Variants in CEACAM21 observed in about 807,000 individuals in gnomAD.
CEACAM21 encodes the protein CEA cell adhesion molecule 21.
In CEACAM21, 38 loss-of-function variants were observed where a neutral mutation model predicts 33.2. The observed-to-expected ratio is 1.14, with a 90% CI of 0.88 to 1.50. The LOEUF is 1.50. CEACAM21 is among the 40% of genes most tolerant of loss of function. The probability of loss-of-function intolerance (pLI) is 0.00; values close to 1 mark genes in which losing one functional copy is unlikely to be tolerated. For missense variants in CEACAM21, 385 were observed against 364.6 expected (o/e 1.06, Z -0.46); for synonymous variants, 156 against 143.0 (o/e 1.09, Z -0.65).
At position 41,577,564 on chromosome 19, in the gene CEACAM21, G is replaced by A. The variant is rs782500489; in HGVS notation, c.424+5G>A. 2 of 1,612,728 alleles carry A rather than the reference G, an allele frequency of 1.2e-6. 1 individual carries two copies. The highest frequency in any genetic ancestry group is 2.2e-5 in the South Asian group (2 of 91,006). On this transcript the variant is annotated splice_donor_5th_base_variant and intron_variant, in intron 2 of 6. Coordinates refer to ENST00000401445, the MANE Select transcript of CEACAM21 (RefSeq NM_001098506.4). ...CTCACCATCTCCGTGTATACGGTGA[G>A]TGATTCCTCCGTGCCTCTGGGTGTT...
upstream of CEACAM21, among the ~76,000 whole-genome samples, chr19:41,575,148 G>A (rs1555790573): frequency 6.6e-6 from 1 of 151,844 alleles, no homozygotes; most frequent in African/African-American, 2.4e-5. Context: ...AATTCACAGA[G>A]ATTGATAGTA....
chr19:41,585,433 C>G lies in CEACAM21; in HGVS notation c.798-10C>G. 1 of 1,613,830 alleles carries G rather than the reference C, an allele frequency of 6.2e-7. No individual in the cohort carries two copies. Among genetic ancestry groups the G allele is most frequent in the Non-Finnish European group, 8.5e-7 (1 of 1,179,786 alleles). ...CTTGCACCTTCACAAATAACCCTGA[C>G]CTTTCCTAGGGCCAGCGATCAGAGT... On this transcript the variant is annotated splice_polypyrimidine_tract_variant and intron_variant, in intron 4 of 6. Coordinates refer to ENST00000401445, the MANE Select transcript of CEACAM21 (RefSeq NM_001098506.4).
intron 3 of CEACAM21, 121 bp from the exon 4 acceptor site, chr19:41,584,226 A>G: frequency 1.2e-6 from 1 of 811,944 alleles, no homozygotes; most frequent in Non-Finnish European, 2.0e-6. Context: ...ACAGCACAAC[A>G]GACCACACTC....
At chr19:41,570,094 C>T (rs936941431) in intron 2 of CEACAM21, among the ~76,000 whole-genome samples, 4 of 152,192 alleles carry the variant, frequency 2.6e-5, no homozygotes, top group East Asian at 1.9e-4. Context: ...ACAGCGACAG[C>T]GCTGATGGCC....
At chr19:41,554,033 A>G (rs1424354202) in intron 1 of CEACAM21, among the ~76,000 whole-genome samples, 4 of 152,086 alleles carry the variant, frequency 2.6e-5, no homozygotes, top group African/African-American at 4.8e-5. Flanking sequence ...AAAGCTGTCA[A>G]TAGCTCAAAA....
intron 2 of CEACAM21, among the ~76,000 whole-genome samples, chr19:41,571,032 G>A (rs569860194): frequency 6.6e-6 from 1 of 152,074 alleles, no homozygotes; most frequent in African/African-American, 2.4e-5. Context: ...CATTTGGGTG[G>A]TCAAACTGGT....
At chr19:41,554,378 T>C (rs1262860689) in intron 1 of CEACAM21, among the ~76,000 whole-genome samples, 1 of 151,974 alleles carries the variant, frequency 6.6e-6, no homozygotes, top group Non-Finnish European at 1.5e-5. Flanking sequence ...AAAGACACAA[T>C]TGACAAGGAA....
Position 41,577,299 on chromosome 19 carries a change from T to C in CEACAM21, c.164T>C (p.Val55Ala). The change falls in exon 2 of 7, where the codon GTG (valine) becomes GCG (alanine). Residue 55 changes from valine to alanine, a missense_variant. Physicochemically the swap from Val to Ala is moderately conservative, Grantham distance 64 (BLOSUM62 0). Coordinates refer to ENST00000401445, the MANE Select transcript of CEACAM21 (RefSeq NM_001098506.4). ...GAAGGGGAGAATGTTCATCTCTCTG[T>C]GGTTTATCTGCCCGAGAATCTTTAC... ...VAEGENVHLS[V>A]VYLPENLYSY... 6.2e-7 allele frequency: 1 copy of C among 1,614,114 alleles called. No individual in the cohort carries two copies. Among genetic ancestry groups the C allele is most frequent in the Non-Finnish European group, 8.5e-7 (1 of 1,179,984 alleles).
At position 41,586,539 on chromosome 19, in the gene CEACAM21, G is replaced by A; in HGVS notation, c.*76G>A. On this transcript the variant is annotated 3_prime_UTR_variant, in exon 7 of 7. Coordinates refer to ENST00000401445, the MANE Select transcript of CEACAM21 (RefSeq NM_001098506.4). ...AGATGTGGCTTCTTAGGTTCCTCTG[G>A]GAGCTGCTCCTGTGGGTTGATGGAG... The A allele has an allele frequency of 1.6e-6, 1 of 634,176 alleles. No homozygotes were observed. Among genetic ancestry groups the A allele is most frequent in the Non-Finnish European group, 3.0e-6 (1 of 330,458 alleles). 39.3% of individuals were successfully genotyped at this position (634,176 alleles called of 1,614,324 possible). A position where few individuals can be genotyped will look rare whatever the true frequency, so the allele number is the denominator to read the frequency against.
chr19:41,575,125 T>C (rs117061275), upstream of CEACAM21, among the ~76,000 whole-genome samples: 4,198 of 152,246 alleles, frequency 0.028, 98 homozygotes, highest in Non-Finnish European at 0.043. Flanking sequence ...ATATGAGACA[T>C]GTAAACTAGG....
At chr19:41,568,465 C>G (rs2122196863) in intron 2 of CEACAM21, among the ~76,000 whole-genome samples, 1 of 152,214 alleles carries the variant, frequency 6.6e-6, no homozygotes, top group Admixed American at 6.5e-5. Context: ...ATTTTTTGTG[C>G]ATGGTGAGGG....
intron 2 of CEACAM21, chr19:41,565,128 G>T (rs1555787995): frequency 6.6e-6 from 1 of 152,580 alleles, no homozygotes; most frequent in Non-Finnish European, 1.5e-5. Flanking sequence ...AGCTGTGGCT[G>T]GGACGATTCA....
At chr19:41,568,218 C>T (rs1568593262) in intron 2 of CEACAM21, among the ~76,000 whole-genome samples, 2 of 151,714 alleles carry the variant, frequency 1.3e-5, no homozygotes, top group Admixed American at 6.6e-5. Flanking sequence ...TATTCTCCTC[C>T]CATTTGTAGG....
At chr19:41,576,503 C>A (rs1170117413) in intron 1 of CEACAM21, among the ~76,000 whole-genome samples, 165 bp downstream of exon 1, 1 of 148,682 alleles carries the variant, frequency 6.7e-6, no homozygotes, top group African/African-American at 2.5e-5. Flanking sequence ...ACTGGAATTG[C>A]CAAGGGGCAA....
intron 1 of CEACAM21, among the ~76,000 whole-genome samples, chr19:41,564,027 C>A (rs2042078754): frequency 6.6e-6 from 1 of 152,220 alleles, no homozygotes; most frequent in Admixed American, 6.5e-5. Context: ...TGGGCAGGAT[C>A]GCCATGGCAA....
chr19:41,584,760 C>T (rs1347309626), intron 4 of CEACAM21, among the ~76,000 whole-genome samples: 4 of 152,184 alleles, frequency 2.6e-5, no homozygotes, highest in African/African-American at 4.8e-5. Flanking sequence ...CCCCTGTTCA[C>T]TGAATCCATC....
chr19:41,555,066 A>G (rs1236729230), intron 1 of CEACAM21: 3 of 152,044 alleles, frequency 2.0e-5, no homozygotes, highest in Admixed American at 2.0e-4. Context: ...CTCCATCTCA[A>G]GCTCAGAACC....
chr19:41,571,185 A>G (rs1167861711), upstream of CEACAM21, among the ~76,000 whole-genome samples: 2 of 152,142 alleles, frequency 1.3e-5, no homozygotes, highest in Non-Finnish European at 2.9e-5. Context: ...TGGCAGAGTC[A>G]CTGATCCACA....
chr19:41,554,900 T>C (rs1433270771), intron 1 of CEACAM21: 2 of 152,090 alleles, frequency 1.3e-5, no homozygotes, highest in Non-Finnish European at 2.9e-5. Context: ...TGCTTAAACA[T>C]TTAGCTTTAT....
Sources: gnomAD v4.1 joint callset for allele counts (sites outside exome capture counted in the v4.1 genomes callset) on GRCh38, gnomAD v4.1.1 for gene constraint, MANE v1.5 for transcripts, NCBI Gene and HGNC (gene_info 2026-07-23, HGNC 2026-07-21) for gene names.